Variants in SEZ6L observed in about 807,000 individuals in gnomAD.
SEZ6L encodes seizure related 6 homolog like, also known as seizure 6-like protein.
Under a neutral mutation model 106.2 loss-of-function variants are expected in SEZ6L, and 37 were observed. The observed-to-expected ratio is 0.35, with a 90% CI of 0.27 to 0.46. SEZ6L has a LOEUF of 0.46. Among genes scored for constraint, SEZ6L ranks in the 20% least tolerant of loss-of-function variants. SEZ6L has a pLI of 1.00. For synonymous variants in SEZ6L, 541 were observed against 570.4 expected (o/e 0.95, Z 0.73); for missense variants, 1,172 against 1,332.8 (o/e 0.88, Z 1.88).
At chr22:26,183,029 C>T (rs1284618237) in intron 1 of SEZ6L, among the ~76,000 whole-genome samples, 1 of 152,042 alleles carries the variant, frequency 6.6e-6, no homozygotes, top group Non-Finnish European at 1.5e-5. Context: ...GAAAGCAGAC[C>T]CCTGGGAAGG....
At chr22:26,343,944 A>G (rs545681770) in intron 10 of SEZ6L, among the ~76,000 whole-genome samples, 93 of 152,350 alleles carry the variant, frequency 6.1e-4, no homozygotes, top group African/African-American at 2.0e-3. Context: ...CCTAAAGTCT[A>G]TGGCAAAGAA....
At chr22:26,275,431 A>G (rs539227891) in intron 1 of SEZ6L, among the ~76,000 whole-genome samples, 1 of 152,316 alleles carries the variant, frequency 6.6e-6, no homozygotes, top group African/African-American at 2.4e-5. Context: ...AGATGTTTTC[A>G]ATTTACAGTG....
At position 26,299,059 on chromosome 22, in the gene SEZ6L, G is replaced by C; in HGVS notation, c.1238G>C (p.Gly413Ala). The change falls in exon 5 of 17, where the codon GGG becomes GCG. Residue 413 changes from glycine (G) to alanine (A), a missense_variant. By Grantham distance (60) the Gly-to-Ala change is moderately conservative. Transcript: ENST00000248933. The part of the protein sequence containing the change: ...DVTVMDLHSG[G>A]VAHFHCHLGY... Reference sequence around the variant, plus strand: ...ACGGTGATGGACCTGCACTCAGGTGGGGTGGCCCACTTTCACTGCCACCTG... The same window carrying C: ...ACGGTGATGGACCTGCACTCAGGTGCGGTGGCCCACTTTCACTGCCACCTG... The C allele has an allele frequency of 6.2e-7, 1 of 1,607,940 alleles. No individual in the cohort carries two copies. Among genetic ancestry groups the C allele is most frequent in the Admixed American group, 1.7e-5 (1 of 59,116 alleles).
chr22:26,218,245 G>GT (rs971659006), intron 1 of SEZ6L, among the ~76,000 whole-genome samples: 2 of 152,028 alleles, frequency 1.3e-5, no homozygotes, highest in Admixed American at 6.6e-5. Flanking sequence ...TGTTTGTTTT[G>GT]TTTTTTTACT....
chr22:26,243,436 C>G (rs1033622063), intron 1 of SEZ6L, among the ~76,000 whole-genome samples: 3 of 152,156 alleles, frequency 2.0e-5, no homozygotes, highest in Admixed American at 2.0e-4. Context: ...ATGAGCCATG[C>G]AAATAACTGG....
chr22:26,242,781 T>A (rs2079182078), intron 1 of SEZ6L: 1 of 152,200 alleles, frequency 6.6e-6, no homozygotes, highest in Non-Finnish European at 1.5e-5. Context: ...GTGTCTTCTC[T>A]TGCCAGGCAG....
chr22:26,296,915 G>A lies in SEZ6L; in HGVS notation c.997G>A (p.Glu333Lys). Residue 333 changes from glutamate (E) to lysine (K), a missense_variant, in exon 4 of 17, where the codon GAA becomes AAA. Around this residue, in one of 4 missense-constraint regions of SEZ6L, gnomAD observed 494 missense variants for 445.8 expected, o/e 1.11. Transcript: ENST00000248933. ...QVKSVNLSDG[E>K]LLSIRGVDGP... ...GAAGAGTGTGAACCTGTCCGATGGG[G>A]AACTGCTCTCCATCCGCGGGGTGGA... is the stretch of plus-strand genomic sequence containing the variant. 1 of 1,611,892 alleles carries A rather than the reference G, an allele frequency of 6.2e-7. No individual in the cohort carries two copies. Among genetic ancestry groups the A allele is most frequent in the Non-Finnish European group, 8.5e-7 (1 of 1,178,920 alleles).
intron 7 of SEZ6L, 52 bp from the exon 8 acceptor site, chr22:26,311,716 G>T (rs375931089): frequency 2.7e-6 from 4 of 1,499,386 alleles, no homozygotes; most frequent in East Asian, 4.5e-5. Context: ...ATATAGCACC[G>T]TGGGGTAGTC....
intron 1 of SEZ6L, among the ~76,000 whole-genome samples, chr22:26,253,386 A>G (rs560628360): frequency 6.6e-6 from 1 of 152,158 alleles, no homozygotes; most frequent in East Asian, 1.9e-4. Context: ...GATGATATTT[A>G]GTTGGTTTTT....
intron 1 of SEZ6L, among the ~76,000 whole-genome samples, chr22:26,208,154 A>G (rs1490421430): frequency 6.6e-6 from 1 of 151,870 alleles, no homozygotes; most frequent in Non-Finnish European, 1.5e-5. Flanking sequence ...TGACCTCGTG[A>G]TCCGCCCGTC....
At chr22:26,306,503 G>A (rs2145914229) in intron 6 of SEZ6L, among the ~76,000 whole-genome samples, 1 of 152,276 alleles carries the variant, frequency 6.6e-6, no homozygotes, top group South Asian at 2.1e-4. Context: ...AGGCTCCATG[G>A]AGAACATGAA....
chr22:26,296,246 G>C (rs542394981), intron 3 of SEZ6L, among the ~76,000 whole-genome samples: 173 of 152,254 alleles, frequency 1.1e-3, no homozygotes, highest in African/African-American at 4.0e-3. Context: ...TTGAGATAGG[G>C]GTTGATTGTC....
intron 1 of SEZ6L, among the ~76,000 whole-genome samples, chr22:26,283,422 T>C (rs1299595293): frequency 1.3e-5 from 2 of 152,072 alleles, no homozygotes; most frequent in Non-Finnish European, 2.9e-5. Context: ...ATGTGTGTTC[T>C]AGTCGAAAGC....
intron 13 of SEZ6L, among the ~76,000 whole-genome samples, chr22:26,367,266 G>A (rs1164697641): frequency 1.3e-5 from 2 of 152,026 alleles, no homozygotes; most frequent in South Asian, 2.1e-4. Flanking sequence ...TACACTTCTC[G>A]CCCTAGACAG....
chr22:26,172,494 A>G (rs1043757984), intron 1 of SEZ6L, among the ~76,000 whole-genome samples: 5 of 152,212 alleles, frequency 3.3e-5, no homozygotes, highest in Non-Finnish European at 7.3e-5. Context: ...CATTCCTGCA[A>G]GCTGTTCAAA....
At chr22:26,281,026 T>C (rs1411332715) in intron 1 of SEZ6L, among the ~76,000 whole-genome samples, 2 of 152,206 alleles carry the variant, frequency 1.3e-5, no homozygotes, top group Non-Finnish European at 2.9e-5. Context: ...TTGGCTTAAA[T>C]TATTGTCCCT....
At chr22:26,183,848 A>T (rs1258921527) in intron 1 of SEZ6L, among the ~76,000 whole-genome samples, 5 of 152,254 alleles carry the variant, frequency 3.3e-5, no homozygotes, top group Non-Finnish European at 5.9e-5. Flanking sequence ...AGGTTTGGCC[A>T]GAAACAAATT....
intron 1 of SEZ6L, among the ~76,000 whole-genome samples, chr22:26,201,725 C>A (rs1374304536): frequency 6.6e-6 from 1 of 152,138 alleles, no homozygotes; most frequent in Non-Finnish European, 1.5e-5. Context: ...GTTTTCTTAT[C>A]TTTAAAATGA....
At chr22:26,367,508 T>C (rs1601630276) in intron 13 of SEZ6L, among the ~76,000 whole-genome samples, 1 of 152,152 alleles carries the variant, frequency 6.6e-6, no homozygotes, top group East Asian at 1.9e-4. Flanking sequence ...CACGCCCAGC[T>C]AAATTTTTTT....
Sources: gnomAD v4.1 joint callset for allele counts (sites outside exome capture counted in the v4.1 genomes callset) on GRCh38, gnomAD v4.1.1 for gene constraint, gnomAD v4.1.1 regional missense constraint, MANE v1.5 for transcripts, NCBI Gene and HGNC (gene_info 2026-07-23, HGNC 2026-07-21) for gene names.